Variants in RCOR1 observed in about 807,000 individuals in gnomAD.
RCOR1 encodes REST corepressor.
A neutral mutation model predicts 64.0 loss-of-function variants in RCOR1; 12 were observed. That is an observed-to-expected ratio of 0.19 (90% CI 0.12 to 0.30). The LOEUF is 0.30. RCOR1 is among the 10% of genes least tolerant of loss of function. The pLI is 1.00. For synonymous variants in RCOR1, 279 were observed against 227.2 expected (o/e 1.23, Z -2.05); for missense variants, 502 against 621.2 (o/e 0.81, Z 2.04).
chr14:102,660,460 C>T (rs1894806539), intron 2 of RCOR1, among the ~76,000 whole-genome samples: 1 of 151,854 alleles, frequency 6.6e-6, no homozygotes, highest in East Asian at 1.9e-4. Flanking sequence ...ATGATCATGG[C>T]TTACTGCAGC....
chr14:102,609,863 G>C (rs1443096033), intron 2 of RCOR1, among the ~76,000 whole-genome samples: 1 of 151,906 alleles, frequency 6.6e-6, no homozygotes, highest in African/African-American at 2.4e-5. Flanking sequence ...TTTAAGGCCG[G>C]GTGCAGTGGC....
intron 2 of RCOR1, among the ~76,000 whole-genome samples, chr14:102,632,792 C>G (rs7401249): frequency 0.027 from 2,663 of 97,992 alleles, 284 homozygotes; most frequent in Middle Eastern, 0.048. Flanking sequence ...CTCCTCTCTC[C>G]TCTCTCGTCT....
At chr14:102,714,005 T>C (rs764473287) in intron 7 of RCOR1, among the ~76,000 whole-genome samples, 1 of 152,252 alleles carries the variant, frequency 6.6e-6, no homozygotes, top group Non-Finnish European at 1.5e-5. Flanking sequence ...GAGTAAGTTA[T>C]ATAAGTTGCC....
chr14:102,700,823 T>C (rs1202018337), intron 3 of RCOR1, among the ~76,000 whole-genome samples: 1 of 146,034 alleles, frequency 6.8e-6, no homozygotes, highest in Non-Finnish European at 1.5e-5. Flanking sequence ...AGGACAAGTG[T>C]ATTAGTCCGT....
intron 2 of RCOR1, among the ~76,000 whole-genome samples, chr14:102,594,443 C>G (rs1453852430): frequency 1.3e-5 from 2 of 152,142 alleles, no homozygotes; most frequent in Non-Finnish European, 2.9e-5. Flanking sequence ...CGATTGCTCT[C>G]AAGCTGTTAT....
intron 2 of RCOR1, among the ~76,000 whole-genome samples, chr14:102,666,527 C>CTTTA (rs1215724664): frequency 6.6e-6 from 1 of 152,134 alleles, no homozygotes; most frequent in Non-Finnish European, 1.5e-5. Flanking sequence ...TTACCTAATA[C>CTTTA]CCCTTTTCTG....
At chr14:102,654,741 A>T (rs115328600) in intron 2 of RCOR1, among the ~76,000 whole-genome samples, 163 of 151,928 alleles carry the variant, frequency 1.1e-3, no homozygotes, top group East Asian at 3.1e-3. Flanking sequence ...AAAGAAAAAA[A>T]ATATAGAATT....
Position 102,638,408 on chromosome 14 carries a change from G to A in RCOR1, c.362-43487G>A, listed in dbSNP as rs1302395167. ...TTCTTTTTTTTTGAGTCATATTTTC[G>A]TTCTTGTCACCCAGGCTAGAGTGCA... On this transcript the variant is annotated intron_variant, in intron 2 of 11. Transcript: ENST00000262241. Among the ~76,000 whole-genome samples, 4 of 151,718 alleles carry A rather than the reference G, an allele frequency of 2.6e-5. No individual in the cohort carries two copies. The South Asian group carries it at 8.3e-4, about 32-fold the overall frequency.
At chr14:102,655,908 G>C in intron 2 of RCOR1, 1 of 864,420 alleles carries the variant, frequency 1.2e-6, no homozygotes, top group Non-Finnish European at 1.4e-6. Context: ...AGTCGAGATC[G>C]CGCCACTGCA....
chr14:102,709,429 T>A (rs966079870), intron 6 of RCOR1, among the ~76,000 whole-genome samples: 1 of 152,170 alleles, frequency 6.6e-6, no homozygotes, highest in South Asian at 2.1e-4. Context: ...GTAATATTTT[T>A]ATCAATTAAT....
At chr14:102,623,422 ATTTT>A (rs1467177417) in intron 2 of RCOR1, among the ~76,000 whole-genome samples, 1 of 143,964 alleles carries the variant, frequency 6.9e-6, no homozygotes, top group African/African-American at 2.7e-5. Context: ...TTATTTATTT[ATTTT>A]GAGACGGAGT....
At chr14:102,676,941 G>T (rs1895181547) in intron 2 of RCOR1, among the ~76,000 whole-genome samples, 1 of 107,986 alleles carries the variant, frequency 9.3e-6, no homozygotes, top group African/African-American at 4.0e-5. Flanking sequence ...GGGGCGGCTG[G>T]CCGGGCAGAG....
intron 2 of RCOR1, among the ~76,000 whole-genome samples, chr14:102,678,794 A>G (rs908274298): frequency 1.3e-5 from 2 of 152,182 alleles, no homozygotes; most frequent in African/African-American, 4.8e-5. Flanking sequence ...AGCACTTTGT[A>G]GTGTTGATGC....
At chr14:102,676,378 C>G (rs1352749839) in intron 2 of RCOR1, among the ~76,000 whole-genome samples, 1 of 140,688 alleles carries the variant, frequency 7.1e-6, no homozygotes, top group Non-Finnish European at 1.5e-5. Context: ...GGCGGCTGGC[C>G]GGGCAGAGGG....
intron 2 of RCOR1, among the ~76,000 whole-genome samples, chr14:102,635,699 G>A (rs772863756): frequency 5.3e-5 from 8 of 151,770 alleles, no homozygotes; most frequent in Non-Finnish European, 8.8e-5. Context: ...TAATCTGCAT[G>A]GATTGTTTTT....
chr14:102,657,831 C>G lies in RCOR1; in HGVS notation c.362-24064C>G, dbSNP rs1203674310. ...CCAGCCTGGGCGACAGAGTGAGACT[C>G]CGTCTCAAAAAAAAAAAAAAAAAAA... On this transcript the variant is annotated intron_variant, in intron 2 of 11. Coordinates refer to ENST00000262241, the MANE Select transcript of RCOR1 (RefSeq NM_015156.4). The G allele has an allele frequency of 3.4e-6, 3 of 872,146 alleles. No homozygotes were observed. In the African/African-American group the frequency reaches 8.4e-5, roughly 25 times the overall value. The allele number at this position is 872,146 out of a possible 1,614,324, so 54.0% of individuals were successfully genotyped here. A position where few individuals can be genotyped will look rare whatever the true frequency, so the allele number is the denominator to read the frequency against.
intron 2 of RCOR1, among the ~76,000 whole-genome samples, chr14:102,645,504 A>G (rs1894460314): frequency 6.6e-6 from 1 of 152,112 alleles, no homozygotes; most frequent in Admixed American, 6.6e-5. Context: ...AGTAGTTTTC[A>G]TAGTTTCTAT....
At chr14:102,721,130 C>T (rs1896161387) in intron 9 of RCOR1, 46 bp downstream of exon 9, 1 of 1,241,820 alleles carries the variant, frequency 8.1e-7, no homozygotes, top group Non-Finnish European at 1.2e-6. Context: ...TCAAGTTTTA[C>T]ATGTTTAAGA....
intron 2 of RCOR1, among the ~76,000 whole-genome samples, chr14:102,632,751 TCCCCTC>T (rs1894151267): frequency 2.5e-5 from 1 of 40,098 alleles, no homozygotes; most frequent in Non-Finnish European, 4.3e-5. Context: ...TCCCCTCCCC[TCCCCTC>T]CCCTCCCCTC....
Sources: gnomAD v4.1 joint callset for allele counts (sites outside exome capture counted in the v4.1 genomes callset) on GRCh38, gnomAD v4.1.1 for gene constraint, MANE v1.5 for transcripts, NCBI Gene and HGNC (gene_info 2026-07-23, HGNC 2026-07-21) for gene names.